MAPKAPK3: variants seen among roughly 807,000 people sequenced by gnomAD.
MAPKAPK3 encodes MAP kinase-activated protein kinase 3.
A neutral mutation model predicts 49.2 loss-of-function variants in MAPKAPK3; 35 were observed. The observed-to-expected ratio is 0.71, with a 90% CI of 0.54 to 0.94. MAPKAPK3 has a LOEUF of 0.94. Among genes scored for constraint, MAPKAPK3 ranks in the 40% least tolerant of loss-of-function variants. The probability of loss-of-function intolerance (pLI) is 0.00; values close to 1 mark genes in which losing one functional copy is unlikely to be tolerated. For missense variants in MAPKAPK3, 398 were observed against 493.1 expected (o/e 0.81, Z 1.83); for synonymous variants, 178 against 188.7 (o/e 0.94, Z 0.46).
At chr3:50,647,766 GCA>G in intron 10 of MAPKAPK3, 126 bp from the exon 11 acceptor site, 1 of 869,904 alleles carries the variant, frequency 1.1e-6, no homozygotes, top group Non-Finnish European at 1.8e-6. Flanking sequence ...CCAGTGCTGG[GCA>G]CACAGTGGGC....
chr3:50,627,159 G>C, intron 2 of MAPKAPK3, among the ~76,000 whole-genome samples: 1 of 140,032 alleles, frequency 7.1e-6, no homozygotes. Flanking sequence ...ACTCTAGCCT[G>C]GGAGTCAAGA....
At chr3:50,639,863 G>A (rs1195058547) in intron 2 of MAPKAPK3, among the ~76,000 whole-genome samples, 1 of 152,188 alleles carries the variant, frequency 6.6e-6, no homozygotes, top group Non-Finnish European at 1.5e-5. Flanking sequence ...TGCCCAGGGT[G>A]AGAATCACAA....
rs17051036 is a variant in MAPKAPK3 at position 50,629,150 on chromosome 3, C to T, written c.220-11216C>T. Among the ~76,000 whole-genome samples the T allele has an allele frequency of 6.8e-3, 1,042 of 152,260 alleles. 8 individuals carry two copies. Among genetic ancestry groups the T allele is most frequent in the African/African-American group, 0.023 (975 of 41,536 alleles). On this transcript the variant is annotated intron_variant, in intron 2 of 10. Coordinates refer to ENST00000621469, the MANE Select transcript of MAPKAPK3 (RefSeq NM_001243925.2). ...TCTTCCCCTTCCTTATTGAGCCTTT[C>T]ACAGCAAAACAGGATTCGTGGACTC... is the stretch of plus-strand genomic sequence containing the variant.
chr3:50,627,420 G>A (rs1201224058), intron 2 of MAPKAPK3, among the ~76,000 whole-genome samples: 1 of 152,180 alleles, frequency 6.6e-6, no homozygotes, highest in Non-Finnish European at 1.5e-5. Context: ...AGCAAATGGT[G>A]TTGTCAGGGG....
chr3:50,646,427 T>G (rs113339090), intron 8 of MAPKAPK3, among the ~76,000 whole-genome samples, 163 bp downstream of exon 8: 97 of 152,298 alleles, frequency 6.4e-4, no homozygotes, highest in African/African-American at 2.3e-3. Flanking sequence ...GAGCCTCAGT[T>G]TCTACATCTG....
Position 50,647,186 on chromosome 3 carries a change from C to A in MAPKAPK3, c.979C>A (p.His327Asn). 6.3e-7 allele frequency: 1 copy of A among 1,593,882 alleles called. No homozygotes were observed. Residue 327 changes from histidine (H) to asparagine (N), a missense_variant, in exon 10 of 11, where the codon CAC becomes AAC. Physicochemically the swap from His to Asn is moderately conservative, Grantham distance 68 (BLOSUM62 1). This residue lies in a region of MAPKAPK3 where 152 missense variants were observed against 177.3 expected (regional missense o/e 0.86). Coordinates refer to ENST00000621469, the MANE Select transcript of MAPKAPK3 (RefSeq NM_001243925.2). ...TARVLQEDKD[H>N]WDEVKEEMTS... The stretch of plus-strand genomic sequence containing the variant: ...CCGAGTGCTGCAGGAGGACAAAGAC[C>A]ACTGGGACGAAGTCAAGGTGGGTGG...
chr3:50,634,771 G>T (rs544858064), intron 2 of MAPKAPK3, among the ~76,000 whole-genome samples: 1 of 152,192 alleles, frequency 6.6e-6, no homozygotes, highest in Non-Finnish European at 1.5e-5. Flanking sequence ...GATTACAGGC[G>T]TAAGCCACCG....
At chr3:50,640,596 C>T in intron 3 of MAPKAPK3, 91 bp downstream of exon 3, 4 of 1,464,906 alleles carry the variant, frequency 2.7e-6, no homozygotes, top group East Asian at 2.3e-5. Context: ...CTTTGTTTTT[C>T]AGGTAGCAGA....
At chr3:50,642,374 T>C (rs780044415) in intron 5 of MAPKAPK3, 42 bp downstream of exon 5, 7 of 1,423,284 alleles carry the variant, frequency 4.9e-6, no homozygotes, top group South Asian at 1.1e-5. Context: ...GGGAAGAGGA[T>C]ATTGTCCCAC....
intron 2 of MAPKAPK3, among the ~76,000 whole-genome samples, chr3:50,626,970 A>G (rs2032762986): frequency 6.6e-6 from 1 of 152,092 alleles, no homozygotes; most frequent in Non-Finnish European, 1.5e-5. Context: ...ACGCGGGTGG[A>G]TCACCTGAAG....
Position 50,648,192 on chromosome 3 carries a change from T to C in MAPKAPK3, c.*146T>C, listed in dbSNP as rs926881233. On this transcript the variant is annotated 3_prime_UTR_variant, in exon 11 of 11. Transcript: ENST00000621469. ...TAATTTGTCACTCGGAACTTCAGGA[T>C]GGAGGACCCTGACCCTAAACCTCCT... 1 of 854,776 alleles carries C rather than the reference T, an allele frequency of 1.2e-6. No individual in the cohort carries two copies. The highest frequency in any genetic ancestry group is 1.7e-5 in the African/African-American group (1 of 58,504). 52.9% of individuals were successfully genotyped at this position (854,776 alleles called of 1,614,324 possible).
chr3:50,637,196 T>A (rs930324523), intron 2 of MAPKAPK3, among the ~76,000 whole-genome samples: 3 of 151,970 alleles, frequency 2.0e-5, no homozygotes. Context: ...CCTATCTCCC[T>A]CCAGTCCTGG....
At chr3:50,646,983 C>A in intron 9 of MAPKAPK3, 140 bp from the exon 10 acceptor site, 2 of 1,025,326 alleles carry the variant, frequency 2.0e-6, no homozygotes, top group South Asian at 1.5e-5. Context: ...CTGGCTTTGT[C>A]ACTGCCCTAG....
rs748990347 is a variant in MAPKAPK3 at position 50,644,380 on chromosome 3, C to T, written c.505-29C>T. Reference sequence around the variant, plus strand: ...TCTGCTCCTGCCTGGTTCCTAACTCCAAACCAATGTTTTCTCTTTCTGGCC... The same window carrying T: ...TCTGCTCCTGCCTGGTTCCTAACTCTAAACCAATGTTTTCTCTTTCTGGCC... On this transcript the variant is annotated intron_variant, in intron 5 of 10. Transcript: ENST00000621469. 1.1e-5 allele frequency: 17 copies of T among 1,613,308 alleles called. 1 individual carries two copies. In the South Asian group the frequency reaches 1.8e-4, roughly 17 times the overall value.
intron 2 of MAPKAPK3, among the ~76,000 whole-genome samples, chr3:50,628,660 G>A (rs531346311): frequency 6.6e-6 from 1 of 152,218 alleles, no homozygotes; most frequent in Non-Finnish European, 1.5e-5. Flanking sequence ...TCTGTGGGAA[G>A]GCTGTGGGCA....
At chr3:50,627,374 C>T (rs2032785176) in intron 2 of MAPKAPK3, among the ~76,000 whole-genome samples, 1 of 151,948 alleles carries the variant, frequency 6.6e-6, no homozygotes, top group African/African-American at 2.4e-5. Flanking sequence ...AGAGACTGGT[C>T]AGAGGGTGCC....
intron 2 of MAPKAPK3, among the ~76,000 whole-genome samples, chr3:50,636,721 T>C (rs950214099): frequency 3.9e-5 from 6 of 152,006 alleles, no homozygotes; most frequent in Non-Finnish European, 7.4e-5. Flanking sequence ...GTGGACCACA[T>C]TGAGGGGAGG....
intron 2 of MAPKAPK3, among the ~76,000 whole-genome samples, chr3:50,633,741 C>A (rs1346647355): frequency 6.6e-6 from 1 of 152,222 alleles, no homozygotes; most frequent in Admixed American, 6.5e-5. Context: ...GCTAATGGTT[C>A]CCACCCTGCT....
intron 9 of MAPKAPK3, 59 bp downstream of exon 9, chr3:50,646,884 C>A: frequency 6.4e-7 from 1 of 1,551,698 alleles, no homozygotes; most frequent in African/African-American, 1.4e-5. Context: ...GGCTGCCGGG[C>A]AGGAGGGTGG....
Sources: allele counts gnomAD v4.1 joint callset (sites outside exome capture counted in the v4.1 genomes callset), GRCh38; gene constraint gnomAD v4.1.1; regional missense constraint gnomAD v4.1.1; transcripts MANE v1.5; gene names NCBI Gene and HGNC (gene_info 2026-07-23, HGNC 2026-07-21).